BRD7: variants seen among roughly 807,000 people sequenced by gnomAD.
BRD7 encodes bromodomain-containing protein 7.
A neutral mutation model predicts 82.1 loss-of-function variants in BRD7; 15 were observed. The ratio of observed to expected loss-of-function variants is 0.18; its 90% confidence interval spans 0.12 to 0.28. The LOEUF is 0.28. Among genes scored for constraint, BRD7 ranks in the 10% least tolerant of loss-of-function variants. BRD7 has a pLI of 1.00. For missense variants in BRD7, 638 were observed against 779.9 expected (o/e 0.82, Z 2.17); for synonymous variants, 232 against 266.9 (o/e 0.87, Z 1.27).
Position 50,334,826 on chromosome 16 carries a change from C to A in BRD7, c.772G>T (p.Asp258Tyr). The stretch of plus-strand genomic sequence containing the variant: ...CCACTCTGTGAGGTGTCTGTTCCAT[C>A]TTTCTGCTTTCGAGTTTTCTGCAAG... ...ADLQKTRKQK[D>Y]GTDTSQSGED... Residue 258 changes from aspartate to tyrosine, a missense_variant, in exon 7 of 17, where the codon GAT (aspartate) becomes TAT (tyrosine). By Grantham distance (160) the Asp-to-Tyr change is radical. Coordinates refer to ENST00000394688, the MANE Select transcript of BRD7 (RefSeq NM_013263.5). The A allele has an allele frequency of 2.5e-6, 4 of 1,614,168 alleles. No homozygotes were observed. Among genetic ancestry groups the A allele is most frequent in the Non-Finnish European group, 3.4e-6 (4 of 1,180,010 alleles).
rs900535807 is a variant in BRD7, at chr16:50,368,876, G to C, written c.-102C>G. On this transcript the variant is annotated 5_prime_UTR_variant, in exon 1 of 17. Transcript: ENST00000394688. ...AGCGGAGGGCGGGAGCGGGGCCCGC[G>C]AGACCCCGCGCCGCGAGGCAGGGGG... 2.3e-3 allele frequency: 1,759 copies of C among 762,092 alleles called. 4 individuals carry two copies. Among genetic ancestry groups the C allele is most frequent in the South Asian group, 3.2e-3 (55 of 17,098 alleles). 47.2% of individuals were successfully genotyped at this position (762,092 alleles called of 1,614,324 possible).
Position 50,368,754 on chromosome 16 carries a change from C to T in BRD7, c.21G>A (p.Lys7=), listed in dbSNP as rs2039260317. 1 of 1,551,242 alleles carries T rather than the reference C, an allele frequency of 6.4e-7. No individual in the cohort carries two copies. The highest frequency in any genetic ancestry group is 8.7e-7 in the Non-Finnish European group (1 of 1,150,256). ...CGTAGAGGTGTTTGTCCGACTTGTG[C>T]TTCTTGTGCTTCTTGCCCATGTCCG... MGKKHK[K]HKSDKHLYEE... The change falls in exon 1 of 17, where the codon AAG becomes AAA. Residue 7 remains lysine, a synonymous_variant. Transcript: ENST00000394688.
At chr16:50,329,216 G>A (rs1382329297) in intron 8 of BRD7, among the ~76,000 whole-genome samples, 2 of 152,188 alleles carry the variant, frequency 1.3e-5, no homozygotes, top group Non-Finnish European at 2.9e-5. Flanking sequence ...TGATGGGCTA[G>A]AGAAATGGAG....
chr16:50,356,207 AG>A (rs2151198399), intron 2 of BRD7, among the ~76,000 whole-genome samples: 1 of 152,340 alleles, frequency 6.6e-6, no homozygotes, highest in South Asian at 2.1e-4. Flanking sequence ...TTGGGTGAAT[AG>A]GAACAATCCT....
At position 50,368,283 on chromosome 16, in the gene BRD7, G is replaced by A; in HGVS notation, c.65C>T (p.Pro22Leu). ...KHLYEEYVEK[P>L]LKLVLKVGGN... Reference sequence around the variant, plus strand: ...TCCTACTTTGAGGACCAGCTTCAAGGGCTTCTCTACATACTCTTAAAAAAA... The same window carrying A: ...TCCTACTTTGAGGACCAGCTTCAAGAGCTTCTCTACATACTCTTAAAAAAA... The change falls in exon 2 of 17, where the codon CCC becomes CTC. Residue 22 changes from proline to leucine, a missense_variant. Pro to Leu is a moderately conservative substitution (Grantham distance 98). Coordinates refer to ENST00000394688, the MANE Select transcript of BRD7 (RefSeq NM_013263.5). The A allele has an allele frequency of 6.2e-7, 1 of 1,614,028 alleles. No individual in the cohort carries two copies. The highest frequency in any genetic ancestry group is 8.5e-7 in the Non-Finnish European group (1 of 1,179,998).
intron 5 of BRD7, among the ~76,000 whole-genome samples, chr16:50,342,279 A>C (rs1424449252): frequency 6.6e-6 from 1 of 152,172 alleles, no homozygotes; most frequent in East Asian, 1.9e-4. Flanking sequence ...TCACCAGATA[A>C]AAAGTTGGGA....
intron 2 of BRD7, among the ~76,000 whole-genome samples, chr16:50,355,252 T>C (rs1389220094): frequency 2.0e-5 from 3 of 152,180 alleles, no homozygotes; most frequent in Non-Finnish European, 4.4e-5. Flanking sequence ...ACAGAAGGCC[T>C]GAATAAAGGA....
chr16:50,340,706 T>C (rs2038011104), intron 5 of BRD7, among the ~76,000 whole-genome samples: 1 of 152,204 alleles, frequency 6.6e-6, no homozygotes, highest in Non-Finnish European at 1.5e-5. Flanking sequence ...AAATAAACCA[T>C]ACAACCTCAA....
chr16:50,321,031 TCATTTGTTTAGTATGG>T (rs1461204046), intron 13 of BRD7, among the ~76,000 whole-genome samples: 1 of 152,248 alleles, frequency 6.6e-6, no homozygotes, highest in Non-Finnish European at 1.5e-5. Flanking sequence ...ACAATTTATA[TCATTTGTTTAGTATGG>T]CAACTATTCT....
chr16:50,330,017 G>A (rs756230630), intron 8 of BRD7, among the ~76,000 whole-genome samples: 6 of 152,122 alleles, frequency 3.9e-5, no homozygotes, highest in Non-Finnish European at 8.8e-5. Context: ...CTGGCAGCTT[G>A]TGATCTCTTG....
chr16:50,321,815 A>G (rs1358251859), intron 13 of BRD7, among the ~76,000 whole-genome samples, 167 bp downstream of exon 13: 3 of 152,170 alleles, frequency 2.0e-5, no homozygotes, highest in South Asian at 4.1e-4. Context: ...TAATTGTGCA[A>G]CTTGGCACTG....
At chr16:50,346,098 A>C (rs1474773036) in intron 5 of BRD7, among the ~76,000 whole-genome samples, 2 of 152,220 alleles carry the variant, frequency 1.3e-5, no homozygotes, top group African/African-American at 2.4e-5. Flanking sequence ...TCAAACTAGA[A>C]CTCAGGATTA....
At chr16:50,319,375 T>C in intron 16 of BRD7, 109 bp from the exon 17 acceptor site, 2 of 972,042 alleles carry the variant, frequency 2.1e-6, no homozygotes, top group Non-Finnish European at 3.2e-6. Flanking sequence ...AGAGCCCTTC[T>C]TCACCACATC....
chr16:50,354,376 A>G (rs899070290), intron 4 of BRD7, 49 bp downstream of exon 4: 17 of 1,476,418 alleles, frequency 1.2e-5, no homozygotes, highest in Non-Finnish European at 1.6e-5. Flanking sequence ...GATCCTACAC[A>G]TCTACCATTT....
chr16:50,347,229 C>T (rs2038321235), intron 5 of BRD7, among the ~76,000 whole-genome samples: 2 of 152,308 alleles, frequency 1.3e-5, no homozygotes, highest in South Asian at 2.1e-4. Flanking sequence ...GCTAAAACCT[C>T]TCAATAAACT....
At position 50,317,669 on chromosome 16, in the gene BRD7, T is replaced by C. The variant is rs1222353690; in HGVS notation, c.*1542A>G. The C allele has an allele frequency of 1.3e-5, 2 of 152,344 alleles. No individual in the cohort carries two copies. The highest frequency in any genetic ancestry group is 2.4e-5 in the African/African-American group (1 of 41,450). The allele number at this position is 152,344 out of a possible 1,614,324, so 9.4% of individuals were successfully genotyped here. ...AGTTTTCAGTGTTCAGGTTATAGAATATAACTGACCATAAAAATTACCTGC... is the reference window on the plus strand; with the variant it reads ...AGTTTTCAGTGTTCAGGTTATAGAACATAACTGACCATAAAAATTACCTGC... On this transcript the variant is annotated 3_prime_UTR_variant, in exon 17 of 17. Coordinates refer to ENST00000394688, the MANE Select transcript of BRD7 (RefSeq NM_013263.5).
At chr16:50,353,399 T>C (rs907602444) in intron 4 of BRD7, among the ~76,000 whole-genome samples, 6 of 152,006 alleles carry the variant, frequency 3.9e-5, no homozygotes, top group African/African-American at 1.2e-4. Flanking sequence ...TGAACAGGCA[T>C]TGAATACAGA....
At chr16:50,324,431 C>A (rs2037249816) in intron 11 of BRD7, among the ~76,000 whole-genome samples, 1 of 152,164 alleles carries the variant, frequency 6.6e-6, no homozygotes, top group African/African-American at 2.4e-5. Flanking sequence ...CTTCTGCTCG[C>A]AATCCACCAG....
chr16:50,364,044 C>G, intron 2 of BRD7, among the ~76,000 whole-genome samples: 1 of 145,764 alleles, frequency 6.9e-6, no homozygotes. Flanking sequence ...CCCTGGGCAA[C>G]AACATGGGAT....
Sources: gnomAD v4.1 joint callset for allele counts (sites outside exome capture counted in the v4.1 genomes callset) on GRCh38, gnomAD v4.1.1 for gene constraint, MANE v1.5 for transcripts, NCBI Gene and HGNC (gene_info 2026-07-23, HGNC 2026-07-21) for gene names.